The following RMP24 variants were observed in gnomAD, a reference collection of about 807,000 sequenced individuals.
RMP24 encodes the protein ribonuclease MRP subunit p24, also known as ribonuclease MRP protein subunit p24.
At chr18:35,975,180 T>A in the RMP24 span, 1 of 1,105,088 alleles carries the variant, frequency 9.0e-7, no homozygotes, top group Non-Finnish European at 1.3e-6. Flanking sequence ...AGCCTCAGTA[T>A]AACTCAGAGA....
the RMP24 span, among the ~76,000 whole-genome samples, chr18:35,974,482 G>A: frequency 6.6e-6 from 1 of 152,220 alleles, no homozygotes; most frequent in Non-Finnish European, 1.5e-5. Context: ...GTGCTCAACA[G>A]TAGATACTAT....
chr18:35,976,658 G>A, the RMP24 span, among the ~76,000 whole-genome samples: 1 of 152,090 alleles, frequency 6.6e-6, no homozygotes. Context: ...TTACAAAATT[G>A]CTAAGGATTT....
chr18:35,973,720 A>T, the RMP24 span: 41,089 of 152,108 alleles, frequency 0.27, 6,059 homozygotes, highest in Middle Eastern at 0.37. Flanking sequence ...CAGGAGTTCG[A>T]GACCAACCTG....
At chr18:35,978,764 C>A in the RMP24 span, 1 of 1,379,480 alleles carries the variant, frequency 7.2e-7, no homozygotes, top group Non-Finnish European at 9.8e-7. Context: ...ATGTATATGG[C>A]CATAATACAA....
At chr18:35,979,179 T>C in the RMP24 span, 1 of 569,468 alleles carries the variant, frequency 1.8e-6, no homozygotes, top group Non-Finnish European at 3.0e-6. Flanking sequence ...GCCTACCTCA[T>C]AGGACAGCTG....
the RMP24 span, chr18:35,977,540 C>G: frequency 6.2e-7 from 1 of 1,614,192 alleles, no homozygotes; most frequent in Non-Finnish European, 8.5e-7. Flanking sequence ...GAGAGAAGGA[C>G]TGCAAACCCA....
chr18:35,973,043 G>A, the RMP24 span: 3 of 1,216,540 alleles, frequency 2.5e-6, no homozygotes, highest in East Asian at 5.0e-5. Flanking sequence ...CATGTGTCTC[G>A]GTTTCGTGAA....
At chr18:35,977,433 C>T in the RMP24 span, 2 of 1,613,060 alleles carry the variant, frequency 1.2e-6, no homozygotes, top group Non-Finnish European at 1.7e-6. Flanking sequence ...AAACATGCAA[C>T]AGAACAGTGA....
chr18:35,977,824 C>G, the RMP24 span, among the ~76,000 whole-genome samples: 17 of 152,318 alleles, frequency 1.1e-4, 1 homozygote, highest in South Asian at 3.5e-3. Context: ...GTGCCTATTT[C>G]CAGCTGCCTG....
At chr18:35,972,997 C>T in the RMP24 span, 1 of 1,519,978 alleles carries the variant, frequency 6.6e-7, no homozygotes. Context: ...CCGATGGACT[C>T]ACTTCCCTCC....
the RMP24 span, among the ~76,000 whole-genome samples, chr18:35,975,705 T>G: frequency 6.6e-6 from 1 of 152,228 alleles, no homozygotes; most frequent in Non-Finnish European, 1.5e-5. Context: ...CCCTGCATAT[T>G]TTATGTTAAC....
chr18:35,978,840 C>A, the RMP24 span: 1 of 1,585,886 alleles, frequency 6.3e-7, no homozygotes, highest in East Asian at 2.2e-5. Flanking sequence ...TTCAGAACAC[C>A]TACATCTGGA....
the RMP24 span, chr18:35,977,373 T>C: frequency 6.4e-7 from 1 of 1,566,518 alleles, no homozygotes; most frequent in Non-Finnish European, 8.7e-7. Flanking sequence ...AATTATAAGA[T>C]AAATGACGGG....
the RMP24 span, among the ~76,000 whole-genome samples, chr18:35,978,669 T>G: frequency 6.6e-6 from 1 of 152,242 alleles, no homozygotes; most frequent in Non-Finnish European, 1.5e-5. Context: ...CATTTGTTCT[T>G]GCCCTTTTCT....
the RMP24 span, among the ~76,000 whole-genome samples, chr18:35,976,520 A>G: frequency 6.6e-6 from 1 of 152,338 alleles, no homozygotes; most frequent in South Asian, 2.1e-4. Flanking sequence ...GAAATTAGCT[A>G]GAAAATGGAC....
the RMP24 span, chr18:35,978,692 C>G: frequency 3.0e-6 from 2 of 674,604 alleles, no homozygotes; most frequent in Non-Finnish European, 4.6e-6. Flanking sequence ...GTCAGAAATT[C>G]CTGAGGAAAT....
the RMP24 span, chr18:35,977,559 C>A: frequency 6.2e-7 from 1 of 1,614,090 alleles, no homozygotes; most frequent in South Asian, 1.1e-5. Context: ...CAAATCATGA[C>A]ATGTCTGGCT....
At chr18:35,975,423 T>A in the RMP24 span, among the ~76,000 whole-genome samples, 1 of 152,232 alleles carries the variant, frequency 6.6e-6, no homozygotes, top group Non-Finnish European at 1.5e-5. Context: ...TACATTATTT[T>A]TTCAGTTAAT....
At chr18:35,972,702 G>A in the RMP24 span, 8 of 1,593,006 alleles carry the variant, frequency 5.0e-6, no homozygotes, top group Middle Eastern at 3.9e-4. Flanking sequence ...TGGTTCCCGC[G>A]GCGAGCCAGC....
Sources: allele counts gnomAD v4.1 joint callset (sites outside exome capture counted in the v4.1 genomes callset), GRCh38; gene constraint gnomAD v4.1.1; transcripts MANE v1.5; gene names NCBI Gene and HGNC (gene_info 2026-07-23, HGNC 2026-07-21).